CFAP95: variants seen among roughly 807,000 people sequenced by gnomAD.
CFAP95 encodes the protein cilia- and flagella-associated protein 95.
At chr9:69,891,334 C>T in the CFAP95 span, among the ~76,000 whole-genome samples, 1 of 152,220 alleles carries the variant, frequency 6.6e-6, no homozygotes, top group East Asian at 1.9e-4. Flanking sequence ...GAGCTGTGGC[C>T]TCAAGTCCCC....
chr9:69,844,712 G>A, the CFAP95 span: 6 of 904,442 alleles, frequency 6.6e-6, no homozygotes, highest in East Asian at 2.6e-5. Flanking sequence ...GTTTTGTGCA[G>A]CACCATCCCT....
the CFAP95 span, chr9:69,857,759 C>T: frequency 0.15 from 88,782 of 600,860 alleles, 7,007 homozygotes; most frequent in East Asian, 0.26. Context: ...AACTCCTGAG[C>T]GCAGGCAATC....
chr9:69,892,177 A>G, the CFAP95 span, among the ~76,000 whole-genome samples: 2 of 152,118 alleles, frequency 1.3e-5, no homozygotes, highest in Middle Eastern at 3.2e-3. Context: ...TCCTGTTGTT[A>G]TATTCATTTT....
At chr9:69,871,681 G>A in the CFAP95 span, among the ~76,000 whole-genome samples, 1 of 152,224 alleles carries the variant, frequency 6.6e-6, no homozygotes, top group South Asian at 2.1e-4. Flanking sequence ...CAATTGGAGG[G>A]TGATGGGGCC....
the CFAP95 span, among the ~76,000 whole-genome samples, chr9:69,847,981 A>G: frequency 6.6e-6 from 1 of 152,242 alleles, no homozygotes; most frequent in African/African-American, 2.4e-5. Context: ...AGATCCTCAA[A>G]GAAGATGGTG....
the CFAP95 span, among the ~76,000 whole-genome samples, chr9:69,836,867 C>T: frequency 6.7e-6 from 1 of 150,202 alleles, no homozygotes; most frequent in Non-Finnish European, 1.5e-5. Flanking sequence ...TCTCCCAATG[C>T]TATCCCTCCC....
the CFAP95 span, among the ~76,000 whole-genome samples, chr9:69,840,046 T>C: frequency 1.8e-4 from 27 of 150,012 alleles, no homozygotes; most frequent in Middle Eastern, 0.01. Flanking sequence ...CATTGCACTC[T>C]AGCCTGGGCA....
chr9:69,866,579 C>T, the CFAP95 span, among the ~76,000 whole-genome samples: 10 of 152,200 alleles, frequency 6.6e-5, no homozygotes, highest in African/African-American at 1.9e-4. Context: ...TGGATGATGC[C>T]TACCTACACT....
chr9:69,900,040 C>T, the CFAP95 span, among the ~76,000 whole-genome samples: 1 of 152,108 alleles, frequency 6.6e-6, no homozygotes, highest in South Asian at 2.1e-4. Context: ...CTTTATGATG[C>T]ATTTATTGGT....
chr9:69,887,047 G>C, the CFAP95 span: 1 of 592,130 alleles, frequency 1.7e-6, no homozygotes, highest in East Asian at 2.9e-5. Flanking sequence ...TTGGAATCAT[G>C]ACAATGTTTT....
At chr9:69,868,317 AAAAT>A in the CFAP95 span, among the ~76,000 whole-genome samples, 2 of 150,922 alleles carry the variant, frequency 1.3e-5, no homozygotes, top group Non-Finnish European at 2.9e-5. Context: ...GCAAAAGCAA[AAAAT>A]AAACAAACAA....
At chr9:69,833,763 T>G in the CFAP95 span, among the ~76,000 whole-genome samples, 1 of 152,232 alleles carries the variant, frequency 6.6e-6, no homozygotes, top group African/African-American at 2.4e-5. Context: ...TTTCATTTCC[T>G]TTGCTGTTTT....
At chr9:69,906,157 A>G in the CFAP95 span, 1 of 1,546,610 alleles carries the variant, frequency 6.5e-7, no homozygotes, top group Non-Finnish European at 8.7e-7. Flanking sequence ...TAGAATCAGC[A>G]TCTCTGACTA....
the CFAP95 span, among the ~76,000 whole-genome samples, chr9:69,869,743 A>AAT: frequency 8.6e-3 from 1 of 116 alleles, no homozygotes; most frequent in East Asian, 0.17. Context: ...TCAAAATAAT[A>AAT]AAAAAAAACC....
chr9:69,861,751 A>C, the CFAP95 span, among the ~76,000 whole-genome samples: 2 of 150,812 alleles, frequency 1.3e-5, no homozygotes, highest in East Asian at 1.9e-4. Flanking sequence ...AAAAAAAAAA[A>C]AACACAACAT....
chr9:69,903,208 T>C, the CFAP95 span, among the ~76,000 whole-genome samples: 2 of 152,244 alleles, frequency 1.3e-5, no homozygotes, highest in African/African-American at 2.4e-5. Flanking sequence ...GGATAGATGC[T>C]TCTTCATTTA....
chr9:69,840,827 T>A, the CFAP95 span, among the ~76,000 whole-genome samples: 1 of 152,084 alleles, frequency 6.6e-6, no homozygotes, highest in Non-Finnish European at 1.5e-5. Flanking sequence ...CCACAGGCTG[T>A]GGGCACAGCA....
chr9:69,874,619 C>A, the CFAP95 span, among the ~76,000 whole-genome samples: 1 of 152,214 alleles, frequency 6.6e-6, no homozygotes, highest in Non-Finnish European at 1.5e-5. Flanking sequence ...GGATTCTCTT[C>A]CTGTTGGCTT....
At chr9:69,834,589 T>C in the CFAP95 span, among the ~76,000 whole-genome samples, 11 of 152,340 alleles carry the variant, frequency 7.2e-5, no homozygotes, top group African/African-American at 2.4e-4. Context: ...AACTGTTGTA[T>C]TCCTTTTGAT....
Sources: allele counts gnomAD v4.1 joint callset (sites outside exome capture counted in the v4.1 genomes callset), GRCh38; gene constraint gnomAD v4.1.1; transcripts MANE v1.5; gene names NCBI Gene and HGNC (gene_info 2026-07-23, HGNC 2026-07-21).